Variants in IMMP2L observed in about 807,000 individuals in gnomAD.
The protein encoded by IMMP2L is inner mitochondrial membrane peptidase subunit 2.
Under a neutral mutation model 19.3 loss-of-function variants are expected in IMMP2L, and 18 were observed. The observed-to-expected ratio is 0.93, with a 90% CI of 0.64 to 1.38. The LOEUF is 1.38. IMMP2L is among the 40% of genes most tolerant of loss of function. IMMP2L has a pLI of 0.00. For missense variants in IMMP2L, 233 were observed against 218.2 expected, an observed-to-expected ratio of 1.07 and a Z score of -0.43; for synonymous variants, 76 against 73.0, an observed-to-expected ratio of 1.04 and a Z score of -0.21.
chr7:111,075,841 GT>G (rs1795360229), intron 3 of IMMP2L, among the ~76,000 whole-genome samples: 1 of 152,058 alleles, frequency 6.6e-6, no homozygotes, highest in Non-Finnish European at 1.5e-5. Flanking sequence ...TAAATTTGAT[GT>G]GTCCATTATT....
At chr7:111,145,661 A>T (rs1803388949) in intron 3 of IMMP2L, among the ~76,000 whole-genome samples, 2 of 152,106 alleles carry the variant, frequency 1.3e-5, no homozygotes, top group South Asian at 4.1e-4. Flanking sequence ...TCAAGTGTCA[A>T]CTGAGCATCG....
intron 2 of IMMP2L, among the ~76,000 whole-genome samples, chr7:111,500,468 C>T (rs1004983619): frequency 5.3e-5 from 8 of 152,120 alleles, no homozygotes; most frequent in African/African-American, 1.9e-4. Flanking sequence ...GTGGTTCTCC[C>T]AGCACACAGC....
chr7:111,089,229 G>T (rs1796606242), intron 3 of IMMP2L, among the ~76,000 whole-genome samples: 1 of 151,942 alleles, frequency 6.6e-6, no homozygotes, highest in Admixed American at 6.5e-5. Flanking sequence ...AAGATATTAG[G>T]TATGACTGCA....
chr7:110,740,966 C>A (rs1233604224), intron 5 of IMMP2L, among the ~76,000 whole-genome samples: 1 of 151,350 alleles, frequency 6.6e-6, no homozygotes. Flanking sequence ...ACTCTTTGAT[C>A]CAGCAATCCC....
intron 3 of IMMP2L, among the ~76,000 whole-genome samples, chr7:111,446,443 G>A (rs1433984862): frequency 2.1e-4 from 32 of 149,472 alleles, no homozygotes; most frequent in Non-Finnish European, 3.7e-4. Flanking sequence ...CCCAGCAGGG[G>A]CACACTGACA....
At chr7:110,858,883 T>C (rs945374198) in intron 5 of IMMP2L, among the ~76,000 whole-genome samples, 2 of 152,100 alleles carry the variant, frequency 1.3e-5, no homozygotes, top group African/African-American at 4.8e-5. Flanking sequence ...GATAGTTTAC[T>C]GAGAATGATG....
At position 111,226,402 on chromosome 7, in the gene IMMP2L, A is replaced by G. The variant is rs543983514; in HGVS notation, c.239+260836T>C. Among the ~76,000 whole-genome samples the G allele has an allele frequency of 2.6e-4, 40 of 152,120 alleles. 1 individual carries two copies. The highest frequency in any genetic ancestry group is 9.2e-4 in the African/African-American group (38 of 41,512). On this transcript the variant is annotated intron_variant, in intron 3 of 5. Coordinates refer to ENST00000405709, the MANE Select transcript of IMMP2L (RefSeq NM_032549.4). ...CACGCTGGTCTTGAACTTCTGGCTCAAGCGATCCTCCTGCCTCAGCCTCCC... is the reference window on the plus strand; with the variant it reads ...CACGCTGGTCTTGAACTTCTGGCTCGAGCGATCCTCCTGCCTCAGCCTCCC...
intron 2 of IMMP2L, among the ~76,000 whole-genome samples, chr7:111,506,366 G>C (rs1349283773): frequency 1.3e-5 from 2 of 152,014 alleles, no homozygotes; most frequent in African/African-American, 4.8e-5. Context: ...CATTAATCTA[G>C]TTGGGGCTCA....
chr7:110,984,998 G>GA (rs1159288411), intron 3 of IMMP2L, among the ~76,000 whole-genome samples: 2 of 151,614 alleles, frequency 1.3e-5, no homozygotes, highest in East Asian at 1.9e-4. Context: ...AGAGGTGGCA[G>GA]AAAAAAAAGA....
intron 3 of IMMP2L, among the ~76,000 whole-genome samples, chr7:111,026,219 C>A (rs1035015145): frequency 6.6e-6 from 1 of 152,158 alleles, no homozygotes; most frequent in Admixed American, 6.5e-5. Context: ...CATTCTACTA[C>A]ATTGTGTAAT....
intron 3 of IMMP2L, among the ~76,000 whole-genome samples, chr7:111,353,765 T>C (rs1447797347): frequency 6.6e-6 from 1 of 152,158 alleles, no homozygotes; most frequent in Non-Finnish European, 1.5e-5. Flanking sequence ...TTTCTCAGAA[T>C]ATACAACTTA....
At chr7:110,977,499 A>G (rs1820821646) in intron 3 of IMMP2L, among the ~76,000 whole-genome samples, 1 of 151,990 alleles carries the variant, frequency 6.6e-6, no homozygotes, top group African/African-American at 2.4e-5. Context: ...TAAGTAGGAA[A>G]GCAGCTATAA....
Position 111,360,224 on chromosome 7 carries a change from A to C in IMMP2L, c.239+127014T>G, listed in dbSNP as rs571163180. On this transcript the variant is annotated intron_variant, in intron 3 of 5. Transcript: ENST00000405709. ...TCAAATACAGACATCAACATAATAC[A>C]TATGCAAAAACTAGATTTCCATTTT... 4.5e-4 allele frequency among the ~76,000 whole-genome samples: 69 copies of C among 152,300 alleles called. 1 individual carries two copies. Among genetic ancestry groups the C allele is most frequent in the Middle Eastern group, 3.4e-3 (1 of 294 alleles).
At chr7:110,856,725 T>G (rs556131523) in intron 5 of IMMP2L, among the ~76,000 whole-genome samples, 1 of 152,178 alleles carries the variant, frequency 6.6e-6, no homozygotes, top group South Asian at 2.1e-4. Context: ...CGTCAAGATA[T>G]GCTTTGAATT....
At chr7:111,237,364 G>C (rs1246522240) in intron 3 of IMMP2L, among the ~76,000 whole-genome samples, 1 of 151,902 alleles carries the variant, frequency 6.6e-6, no homozygotes, top group African/African-American at 2.4e-5. Flanking sequence ...TGATTTACTG[G>C]AAGATTACAA....
chr7:110,857,954 T>A lies in IMMP2L; in HGVS notation c.408+28639A>T, dbSNP rs1806978389. ...AGATGATATACATTCGCTTTTCTGATATTAAAACTCTTTTATTCATAATAA... is the reference window on the plus strand; with the variant it reads ...AGATGATATACATTCGCTTTTCTGAAATTAAAACTCTTTTATTCATAATAA... On this transcript the variant is annotated intron_variant, in intron 5 of 5. Coordinates refer to ENST00000405709, the MANE Select transcript of IMMP2L (RefSeq NM_032549.4). Among the ~76,000 whole-genome samples the A allele has an allele frequency of 2.6e-5, 4 of 152,056 alleles. No homozygotes were observed. In the South Asian group the frequency reaches 8.3e-4, roughly 31 times the overall value.
At chr7:110,971,905 G>T (rs1476801608) in intron 3 of IMMP2L, among the ~76,000 whole-genome samples, 1 of 151,974 alleles carries the variant, frequency 6.6e-6, no homozygotes, top group Non-Finnish European at 1.5e-5. Context: ...GTGTATGTGT[G>T]GGGAGAGGTG....
chr7:111,553,179 T>C (rs910000112), intron 1 of IMMP2L, among the ~76,000 whole-genome samples: 5 of 152,122 alleles, frequency 3.3e-5, no homozygotes, highest in Admixed American at 6.5e-5. Flanking sequence ...CAATTTTACA[T>C]ATGAGGCTCA....
At chr7:110,781,992 T>A (rs1201302557) in intron 5 of IMMP2L, among the ~76,000 whole-genome samples, 2 of 151,902 alleles carry the variant, frequency 1.3e-5, no homozygotes, top group African/African-American at 4.8e-5. Context: ...GAATATGAAG[T>A]TTATCCTAGT....
Sources: gnomAD v4.1 joint callset for allele counts (sites outside exome capture counted in the v4.1 genomes callset) on GRCh38, gnomAD v4.1.1 for gene constraint, MANE v1.5 for transcripts, NCBI Gene and HGNC (gene_info 2026-07-23, HGNC 2026-07-21) for gene names.